SCARA3: variants seen among roughly 807,000 people sequenced by gnomAD.
SCARA3 encodes the protein scavenger receptor class A member 3.
SCARA3 carries 39 observed loss-of-function variants against 47.0 expected under a neutral mutation model. That is an observed-to-expected ratio of 0.83 (90% CI 0.64 to 1.08). The LOEUF is 1.08. Ranked by LOEUF, SCARA3 falls within the 50% of genes least tolerant of loss-of-function variation. The probability of loss-of-function intolerance (pLI) is 0.00; values close to 1 mark genes in which losing one functional copy is unlikely to be tolerated. For missense variants in SCARA3, 724 were observed against 792.3 expected (o/e 0.91, Z 1.04); for synonymous variants, 356 against 334.1 (o/e 1.07, Z -0.71).
the SCARA3 span, among the ~76,000 whole-genome samples, chr8:27,728,001 G>A: frequency 1.3e-5 from 2 of 152,184 alleles, no homozygotes; most frequent in African/African-American, 4.8e-5. Flanking sequence ...ATGGGCCGGG[G>A]GTGGACAGAT....
At chr8:27,658,227 T>C (rs545730807) in intron 4 of SCARA3, among the ~76,000 whole-genome samples, 1 of 152,324 alleles carries the variant, frequency 6.6e-6, no homozygotes, top group East Asian at 1.9e-4. Flanking sequence ...AGAAAAATTA[T>C]GAAGATACAT....
downstream of SCARA3, among the ~76,000 whole-genome samples, chr8:27,673,545 G>GT (rs1411159786): frequency 2.6e-5 from 4 of 152,316 alleles, no homozygotes; most frequent in Admixed American, 1.3e-4. Flanking sequence ...TTTTTTTGGA[G>GT]TTTTTTTGGT....
intron 3 of SCARA3, among the ~76,000 whole-genome samples, chr8:27,653,277 A>G (rs1052349173): frequency 5.9e-5 from 9 of 152,310 alleles, no homozygotes; most frequent in Middle Eastern, 3.4e-3. Context: ...CATAACATCC[A>G]TGAGTCAGCC....
the SCARA3 span, among the ~76,000 whole-genome samples, chr8:27,687,638 T>A: frequency 6.6e-6 from 1 of 151,710 alleles, no homozygotes; most frequent in Non-Finnish European, 1.5e-5. Flanking sequence ...TAAATTTCAA[T>A]AAAGAAACCT....
chr8:27,649,879 T>A, intron 2 of SCARA3, 79 bp downstream of exon 2: 6 of 1,293,686 alleles, frequency 4.6e-6, no homozygotes, highest in Non-Finnish European at 5.4e-6. Context: ...AGTGAGAGAT[T>A]TGTCTCTTTA....
chr8:27,690,857 AT>A, the SCARA3 span, among the ~76,000 whole-genome samples: 22 of 151,720 alleles, frequency 1.5e-4, no homozygotes, highest in Admixed American at 8.5e-4. Flanking sequence ...TAATTTTTTA[AT>A]TTTTTTTGGA....
chr8:27,670,279 A>C (rs577057154), intron 5 of SCARA3, among the ~76,000 whole-genome samples: 71 of 152,252 alleles, frequency 4.7e-4, no homozygotes, highest in Admixed American at 1.9e-3. Flanking sequence ...GGCCCACCAG[A>C]GAGTACCCAG....
At chr8:27,696,713 C>T in the SCARA3 span, among the ~76,000 whole-genome samples, 1 of 151,416 alleles carries the variant, frequency 6.6e-6, no homozygotes, top group Non-Finnish European at 1.5e-5. Context: ...GATCCTCCTG[C>T]CTCAGCCTCC....
intron 5 of SCARA3, among the ~76,000 whole-genome samples, chr8:27,660,693 TGATAGATAGATAGATA>T (rs200533534): frequency 6.1e-4 from 55 of 89,468 alleles, no homozygotes; most frequent in African/African-American, 1.3e-3. Context: ...GAGTGATAGA[TGATAGATAGATAGATA>T]GATAGATAGA....
chr8:27,634,275 G>C, intron 1 of SCARA3, 68 bp downstream of exon 1: 1 of 1,278,302 alleles, frequency 7.8e-7, no homozygotes, highest in Admixed American at 3.4e-5. Context: ...CCAGGGCCTG[G>C]GGGGCGCCTT....
At chr8:27,647,201 G>A (rs187112768) in intron 1 of SCARA3, among the ~76,000 whole-genome samples, 76 of 152,292 alleles carry the variant, frequency 5.0e-4, no homozygotes, top group African/African-American at 1.7e-3. Flanking sequence ...ACGCAGGCAT[G>A]CATGTATACT....
At chr8:27,716,081 G>A in the SCARA3 span, among the ~76,000 whole-genome samples, 3 of 152,084 alleles carry the variant, frequency 2.0e-5, no homozygotes, top group African/African-American at 7.2e-5. Flanking sequence ...TGAGGCAGGA[G>A]GATCACTTGG....
At chr8:27,670,810 G>A in intron 5 of SCARA3, 90 bp from the exon 6 acceptor site, 2 of 1,070,374 alleles carry the variant, frequency 1.9e-6, no homozygotes, top group South Asian at 3.2e-5. Context: ...TCAACCCTCG[G>A]GCTGTCGCCG....
At chr8:27,645,414 C>A (rs1469418310) in intron 1 of SCARA3, among the ~76,000 whole-genome samples, 2 of 152,282 alleles carry the variant, frequency 1.3e-5, no homozygotes, top group African/African-American at 4.8e-5. Context: ...ATGTAGCAAA[C>A]TGCTAGGAGC....
At chr8:27,725,039 C>T in the SCARA3 span, among the ~76,000 whole-genome samples, 1 of 152,098 alleles carries the variant, frequency 6.6e-6, no homozygotes, top group Admixed American at 6.6e-5. Flanking sequence ...AATCCTAACA[C>T]TCTGGGAGGC....
intron 5 of SCARA3, among the ~76,000 whole-genome samples, chr8:27,670,398 T>C (rs1042439832): frequency 6.6e-6 from 1 of 152,198 alleles, no homozygotes; most frequent in Admixed American, 6.5e-5. Flanking sequence ...AGGGTGGGCT[T>C]CCTGGAGGTA....
At chr8:27,723,882 C>T in the SCARA3 span, among the ~76,000 whole-genome samples, 8 of 152,160 alleles carry the variant, frequency 5.3e-5, no homozygotes, top group South Asian at 2.1e-4. Flanking sequence ...AGTACAGGCA[C>T]GTGCCACCAT....
rs773830788 is a variant in SCARA3, at chr8:27,651,532, G to A, written c.131G>A (p.Arg44His). Residue 44 changes from arginine (R) to histidine (H), a missense_variant, in exon 3 of 6, where the codon CGC (arginine) becomes CAC (histidine). By Grantham distance (29) the Arg-to-His change is conservative (BLOSUM62 0). Transcript: ENST00000301904. ...GGCCGGCCAGGGCCCCGCTGCAGCC[G>A]CTGCCAGAAGAACCTATCTTTGCAC... ...QKGRPGPRCSRCQKNLSLHTS... is the reference protein window; with the variant it reads ...QKGRPGPRCSHCQKNLSLHTS... 3.7e-5 allele frequency: 59 copies of A among 1,613,164 alleles called. No individual in the cohort carries two copies. The East Asian group carries it at 8.7e-4, about 24-fold the overall frequency.
chr8:27,633,721 G>A (rs1337782472), upstream of SCARA3: 2 of 151,408 alleles, frequency 1.3e-5, no homozygotes, highest in East Asian at 3.9e-4. Flanking sequence ...GGCCCCCGCG[G>A]CGGCACAAAG....
Sources: gnomAD v4.1 joint callset for allele counts (sites outside exome capture counted in the v4.1 genomes callset) on GRCh38, gnomAD v4.1.1 for gene constraint, MANE v1.5 for transcripts, NCBI Gene and HGNC (gene_info 2026-07-23, HGNC 2026-07-21) for gene names.